TSHZ2: variants seen among roughly 807,000 people sequenced by gnomAD.
The protein encoded by TSHZ2 is teashirt zinc finger homeobox 2.
A neutral mutation model predicts 74.4 loss-of-function variants in TSHZ2; 21 were observed. That is an observed-to-expected ratio of 0.28 (90% CI 0.20 to 0.41). The LOEUF (loss-of-function observed/expected upper bound fraction) is 0.41, where lower values mean the gene tolerates loss of function less well. Ranked by LOEUF, TSHZ2 falls within the 10% of genes least tolerant of loss-of-function variation. The pLI is 1.00. For synonymous variants in TSHZ2, 540 were observed against 515.3 expected (o/e 1.05, Z -0.65); for missense variants, 1,244 against 1,293.5 (o/e 0.96, Z 0.59).
In TSHZ2 at chr20:53,102,783, T is replaced by C. The variant is rs142641205; in HGVS notation, c.40+129450T>C. Among the ~76,000 whole-genome samples, 22 of 152,290 alleles carry C rather than the reference T, an allele frequency of 1.4e-4. No homozygotes were observed. In the East Asian group the frequency reaches 4.0e-3, roughly 28 times the overall value. ...CTTGGATTTTGAGTTGAGCAGCTCATGTAGTTTAGGAGAGGGCATTGTTTT... is the reference window on the plus strand; with the variant it reads ...CTTGGATTTTGAGTTGAGCAGCTCACGTAGTTTAGGAGAGGGCATTGTTTT... On this transcript the variant is annotated intron_variant, in intron 1 of 2. Coordinates refer to ENST00000371497, the MANE Select transcript of TSHZ2 (RefSeq NM_173485.6).
rs560482267 is a variant in TSHZ2, at chr20:53,006,542, C to T, written c.40+33209C>T. 1.1e-4 allele frequency among the ~76,000 whole-genome samples: 17 copies of T among 152,314 alleles called. No homozygotes were observed. In the East Asian group the frequency reaches 1.7e-3, roughly 16 times the overall value. ...CCCCAGTCCCTTTTAATGTGCACCA[C>T]GGCTACTCAACTCCAGTCTGTAGTC... On this transcript the variant is annotated intron_variant, in intron 1 of 2. Coordinates refer to ENST00000371497, the MANE Select transcript of TSHZ2 (RefSeq NM_173485.6).
At chr20:53,441,328 C>T (rs1005747880) in intron 2 of TSHZ2, among the ~76,000 whole-genome samples, 6 of 149,876 alleles carry the variant, frequency 4.0e-5, no homozygotes, top group East Asian at 2.0e-4. Flanking sequence ...TGCAGTGGCA[C>T]GATCTCGGCT....
At chr20:53,298,331 G>A (rs1462780896) in intron 2 of TSHZ2, among the ~76,000 whole-genome samples, 4 of 152,226 alleles carry the variant, frequency 2.6e-5, no homozygotes, top group African/African-American at 4.8e-5. Context: ...CAGTGTGAAA[G>A]GATACAAACC....
chr20:53,270,350 G>C (rs1990809701), intron 2 of TSHZ2, among the ~76,000 whole-genome samples: 1 of 152,102 alleles, frequency 6.6e-6, no homozygotes, highest in South Asian at 2.1e-4. Context: ...TGAGTCCTAA[G>C]CTGCTAGGGC....
chr20:52,974,853 T>C (rs1389460240), intron 1 of TSHZ2, among the ~76,000 whole-genome samples: 2 of 152,240 alleles, frequency 1.3e-5, no homozygotes, highest in African/African-American at 4.8e-5. Flanking sequence ...GCAGAAATAT[T>C]GATAAAGCGT....
intron 1 of TSHZ2, among the ~76,000 whole-genome samples, chr20:53,024,295 T>G (rs1600651567): frequency 1.3e-5 from 2 of 152,074 alleles, no homozygotes; most frequent in Middle Eastern, 6.8e-3. Context: ...ATGTTCTGCT[T>G]TTAATCTGGC....
intron 2 of TSHZ2, among the ~76,000 whole-genome samples, chr20:53,445,728 C>T (rs1479764035): frequency 6.6e-6 from 1 of 152,170 alleles, no homozygotes; most frequent in Non-Finnish European, 1.5e-5. Context: ...AAGTACAATC[C>T]CAAGAATCAG....
intron 1 of TSHZ2, among the ~76,000 whole-genome samples, chr20:53,177,668 G>A (rs1479860812): frequency 6.6e-6 from 1 of 152,138 alleles, no homozygotes; most frequent in African/African-American, 2.4e-5. Context: ...AGACAAATAT[G>A]TTAATCTACA....
Position 53,103,224 on chromosome 20 carries a change from G to GA in TSHZ2, c.40+129897dup, listed in dbSNP as rs757454123. On this transcript the variant is annotated intron_variant, in intron 1 of 2. Transcript: ENST00000371497. The stretch of plus-strand genomic sequence containing the variant: ...AAGAATTATACCTCCCAAGTATATT[G>GA]AAAAAACATAATCTTTTGTTGGTTT... Among the ~76,000 whole-genome samples, 3 of 152,080 alleles carry GA rather than the reference G, an allele frequency of 2.0e-5. No individual in the cohort carries two copies. In the East Asian group the frequency reaches 5.8e-4, roughly 29 times the overall value.
At chr20:52,985,669 A>G (rs1000850417) in intron 1 of TSHZ2, among the ~76,000 whole-genome samples, 1 of 152,234 alleles carries the variant, frequency 6.6e-6, no homozygotes, top group Non-Finnish European at 1.5e-5. Flanking sequence ...TCGTGTCCAC[A>G]AGACCTGGCA....
At chr20:53,421,681 G>GTTTTTTTTTTTTTTTT (rs34083391) in intron 2 of TSHZ2, 6 of 85,580 alleles carry the variant, frequency 7.0e-5, no homozygotes, top group African/African-American at 1.6e-4. Flanking sequence ...TATGTTTTTG[G>GTTTTTTTTTTTTTTTT]TTTTTTTTTT....
intron 2 of TSHZ2, among the ~76,000 whole-genome samples, chr20:53,318,212 G>A (rs1276770214): frequency 6.6e-6 from 1 of 152,230 alleles, no homozygotes; most frequent in African/African-American, 2.4e-5. Flanking sequence ...AAGTTCAGGA[G>A]GTAGAGAGAG....
chr20:53,192,116 T>C (rs1211418258), intron 1 of TSHZ2, among the ~76,000 whole-genome samples: 1 of 152,176 alleles, frequency 6.6e-6, no homozygotes, highest in Non-Finnish European at 1.5e-5. Flanking sequence ...CTTGGTTTTA[T>C]GAACAGGGAA....
At position 53,446,577 on chromosome 20, in the gene TSHZ2, G is replaced by A. The variant is rs28657675; in HGVS notation, c.*9-40567G>A. 9.5e-5 allele frequency among the ~76,000 whole-genome samples: 7 copies of A among 73,902 alleles called. No individual in the cohort carries two copies. The South Asian group carries it at 1.6e-3, about 17-fold the overall frequency. 48.5% of individuals were successfully genotyped at this position (73,902 alleles called of 152,430 possible). A position where few individuals can be genotyped will look rare whatever the true frequency, so the allele number is the denominator to read the frequency against. On this transcript the variant is annotated intron_variant, in intron 2 of 2. Transcript: ENST00000371497. ...CTGGGTGACAGAGCGAGACTCTGTCGCAAAAAAAAAAAAAAAAAGAGAGAG... is the reference window on the plus strand; with the variant it reads ...CTGGGTGACAGAGCGAGACTCTGTCACAAAAAAAAAAAAAAAAAGAGAGAG...
At chr20:53,022,503 C>T (rs1245114317) in intron 1 of TSHZ2, among the ~76,000 whole-genome samples, 2 of 152,190 alleles carry the variant, frequency 1.3e-5, no homozygotes, top group Non-Finnish European at 2.9e-5. Flanking sequence ...AGAGAAAGTG[C>T]TTGTACATGC....
intron 2 of TSHZ2, among the ~76,000 whole-genome samples, chr20:53,454,454 C>G (rs550200346): frequency 6.6e-6 from 1 of 151,500 alleles, no homozygotes; most frequent in Admixed American, 6.6e-5. Flanking sequence ...CCCAGCTACT[C>G]GGGAGGCTGA....
intron 2 of TSHZ2, among the ~76,000 whole-genome samples, chr20:53,377,080 A>G (rs1205438147): frequency 6.6e-6 from 1 of 152,246 alleles, no homozygotes; most frequent in Non-Finnish European, 1.5e-5. Context: ...GCTTGGCCTC[A>G]TGAAAACAAG....
chr20:53,061,552 C>A (rs1255737856), intron 1 of TSHZ2, among the ~76,000 whole-genome samples: 2 of 152,166 alleles, frequency 1.3e-5, no homozygotes, highest in African/African-American at 2.4e-5. Flanking sequence ...TGGGAGATTT[C>A]CTGTGTAGAG....
intron 2 of TSHZ2, among the ~76,000 whole-genome samples, chr20:53,475,961 A>G (rs1985980958): frequency 8.0e-6 from 1 of 125,058 alleles, no homozygotes; most frequent in Non-Finnish European, 1.7e-5. Context: ...TAAACCAGGA[A>G]GAAGTTGAAT....
Sources: gnomAD v4.1 joint callset for allele counts (sites outside exome capture counted in the v4.1 genomes callset) on GRCh38, gnomAD v4.1.1 for gene constraint, MANE v1.5 for transcripts, NCBI Gene and HGNC (gene_info 2026-07-23, HGNC 2026-07-21) for gene names.